The following UVRAG variants were observed in gnomAD, a reference collection of about 807,000 sequenced individuals.
UVRAG encodes the protein UV radiation resistance associated.
Under a neutral mutation model 78.0 loss-of-function variants are expected in UVRAG, and 19 were observed. That is an observed-to-expected ratio of 0.24 (90% CI 0.17 to 0.36). The LOEUF is 0.36. Among genes scored for constraint, UVRAG ranks in the 10% least tolerant of loss-of-function variants. The pLI, the probability that UVRAG is intolerant of heterozygous loss-of-function variation, is 1.00. For synonymous variants in UVRAG, 323 were observed against 324.6 expected, an observed-to-expected ratio of 1.00 and a Z score of 0.05; for missense variants, 740 against 853.8, an observed-to-expected ratio of 0.87 and a Z score of 1.66.
chr11:76,102,126 G>A (rs1951889993), intron 13 of UVRAG, among the ~76,000 whole-genome samples: 2 of 152,134 alleles, frequency 1.3e-5, no homozygotes, highest in Non-Finnish European at 1.5e-5. Context: ...GAATGTCATT[G>A]GTAGTTTGAT....
At chr11:76,048,750 G>C (rs1161793841) in intron 12 of UVRAG, among the ~76,000 whole-genome samples, 4 of 152,202 alleles carry the variant, frequency 2.6e-5, no homozygotes, top group Non-Finnish European at 5.9e-5. Context: ...TAACTTATGT[G>C]TGTAATTTTG....
At chr11:76,038,772 C>T (rs913458579) in intron 12 of UVRAG, among the ~76,000 whole-genome samples, 4 of 152,220 alleles carry the variant, frequency 2.6e-5, no homozygotes, top group Non-Finnish European at 4.4e-5. Context: ...GCAAACAGAA[C>T]TCCTCATGGA....
At chr11:76,003,187 C>T (rs1591119277) in intron 8 of UVRAG, among the ~76,000 whole-genome samples, 2 of 149,534 alleles carry the variant, frequency 1.3e-5, no homozygotes, top group South Asian at 4.2e-4. Context: ...GACTATCTGT[C>T]GTCATGTAAA....
At chr11:76,063,085 A>G (rs1367465790) in intron 12 of UVRAG, among the ~76,000 whole-genome samples, 3 of 152,170 alleles carry the variant, frequency 2.0e-5, no homozygotes, top group African/African-American at 7.2e-5. Flanking sequence ...AGTTCCAAAT[A>G]TTTTTCACAA....
At chr11:75,843,976 A>T (rs1250638003) in intron 1 of UVRAG, among the ~76,000 whole-genome samples, 3 of 150,906 alleles carry the variant, frequency 2.0e-5, no homozygotes, top group Admixed American at 2.0e-4. Context: ...AAAAAAAAAA[A>T]GAACTCTCAA....
intron 12 of UVRAG, among the ~76,000 whole-genome samples, chr11:76,058,242 GT>G (rs1951018334): frequency 6.6e-6 from 1 of 152,104 alleles, no homozygotes; most frequent in Non-Finnish European, 1.5e-5. Flanking sequence ...TTTAAAATGA[GT>G]TTTAGGTCCG....
chr11:75,989,700 T>G (rs1296858948), intron 8 of UVRAG, among the ~76,000 whole-genome samples: 1 of 152,250 alleles, frequency 6.6e-6, no homozygotes, highest in Non-Finnish European at 1.5e-5. Context: ...CTACCTCTCC[T>G]TGAGGCTTTT....
At chr11:75,873,010 G>C (rs1946686925) in intron 3 of UVRAG, among the ~76,000 whole-genome samples, 1 of 152,190 alleles carries the variant, frequency 6.6e-6, no homozygotes, top group Non-Finnish European at 1.5e-5. Context: ...AAAAAAATCA[G>C]TGATGGTGAT....
chr11:75,978,067 G>A (rs1949290580), intron 7 of UVRAG, among the ~76,000 whole-genome samples: 1 of 152,150 alleles, frequency 6.6e-6, no homozygotes, highest in Non-Finnish European at 1.5e-5. Context: ...AGGCCTGGTG[G>A]TGACAAAATC....
At chr11:75,906,171 T>G (rs1947610323) in intron 5 of UVRAG, among the ~76,000 whole-genome samples, 1 of 152,198 alleles carries the variant, frequency 6.6e-6, no homozygotes, top group African/African-American at 2.4e-5. Context: ...TAATTGATAG[T>G]GTCCTTTGAT....
At chr11:75,989,896 CT>C (rs975668145) in intron 8 of UVRAG, among the ~76,000 whole-genome samples, 4 of 152,186 alleles carry the variant, frequency 2.6e-5, no homozygotes. Context: ...CTTTGAGGGG[CT>C]TTCATATAGG....
intron 3 of UVRAG, among the ~76,000 whole-genome samples, chr11:75,876,708 A>AC (rs398016703): frequency 1.3e-5 from 2 of 150,568 alleles, no homozygotes; most frequent in South Asian, 2.1e-4. Context: ...AAAAAAAAAA[A>AC]CTGCCACAAA....
intron 14 of UVRAG, among the ~76,000 whole-genome samples, chr11:76,138,970 C>G (rs1297243050): frequency 6.6e-6 from 1 of 152,212 alleles, no homozygotes; most frequent in Non-Finnish European, 1.5e-5. Flanking sequence ...AACATATTAA[C>G]TATAAACCTA....
rs1467898035 is a variant in UVRAG at position 75,950,002 on chromosome 11, C to T, written c.594-11442C>T. Reference sequence around the variant, plus strand: ...TGAACTTCTTATAAGTGGAGTCATACGGGGCACTCTTTTGGTTTCTGGCTT... The same window carrying T: ...TGAACTTCTTATAAGTGGAGTCATATGGGGCACTCTTTTGGTTTCTGGCTT... On this transcript the variant is annotated intron_variant, in intron 6 of 14. Transcript: ENST00000356136. Among the ~76,000 whole-genome samples, 6 of 151,992 alleles carry T rather than the reference C, an allele frequency of 3.9e-5. 1 individual carries two copies. Among genetic ancestry groups the T allele is most frequent in the Admixed American group, 2.0e-4 (3 of 15,248 alleles).
chr11:76,018,252 CCTGTT>C (rs1387271142), intron 12 of UVRAG, among the ~76,000 whole-genome samples: 1 of 149,846 alleles, frequency 6.7e-6, no homozygotes, highest in African/African-American at 2.4e-5. Context: ...TCTCTCCTGT[CCTGTT>C]AGTCTTCCAC....
At chr11:76,061,747 C>A (rs1031518204) in intron 12 of UVRAG, among the ~76,000 whole-genome samples, 6 of 152,172 alleles carry the variant, frequency 3.9e-5, no homozygotes, top group Non-Finnish European at 7.3e-5. Flanking sequence ...CCATTAAGAA[C>A]TGTAACACTC....
intron 13 of UVRAG, among the ~76,000 whole-genome samples, chr11:76,109,023 G>A (rs1952023346): frequency 6.6e-6 from 1 of 152,176 alleles, no homozygotes; most frequent in Non-Finnish European, 1.5e-5. Context: ...AGACTGCTTA[G>A]ACTGTTTTGG....
intron 14 of UVRAG, 39 bp downstream of exon 14, chr11:76,116,054 T>G (rs888033317): frequency 6.3e-7 from 1 of 1,581,908 alleles, no homozygotes; most frequent in Non-Finnish European, 8.7e-7. Flanking sequence ...AACTGTAATG[T>G]GGATAGGATC....
chr11:75,911,039 A>G (rs1318315447), intron 5 of UVRAG, among the ~76,000 whole-genome samples: 1 of 152,208 alleles, frequency 6.6e-6, no homozygotes, highest in Non-Finnish European at 1.5e-5. Context: ...TTTCCGTGGG[A>G]AACTGTGAGA....
Sources: allele counts gnomAD v4.1 joint callset (sites outside exome capture counted in the v4.1 genomes callset), GRCh38; gene constraint gnomAD v4.1.1; transcripts MANE v1.5; gene names NCBI Gene and HGNC (gene_info 2026-07-23, HGNC 2026-07-21).